The following EP300 variants were observed in gnomAD, a reference collection of about 807,000 sequenced individuals.
The protein encoded by EP300 is EP300 lysine acetyltransferase.
A neutral mutation model predicts 264.0 loss-of-function variants in EP300; 31 were observed. That is an observed-to-expected ratio of 0.12 (90% CI 0.09 to 0.16). The LOEUF is 0.16. Among genes scored for constraint, EP300 ranks in the 10% least tolerant of loss-of-function variants. The probability of loss-of-function intolerance (pLI) is 1.00; values close to 1 mark genes in which losing one functional copy is unlikely to be tolerated. For missense variants in EP300, 2,766 were observed against 3,052.9 expected (o/e 0.91, Z 2.21); for synonymous variants, 1,340 against 1,045.4 (o/e 1.28, Z -5.44).
At chr22:41,102,936 G>A (rs1282289115) in intron 1 of EP300, among the ~76,000 whole-genome samples, 3 of 152,028 alleles carry the variant, frequency 2.0e-5, no homozygotes, top group South Asian at 4.1e-4. Flanking sequence ...TGCAACCTCC[G>A]CCTTCCGGGT....
chr22:41,148,967 T>A (rs2059027396), intron 12 of EP300, 71 bp from the exon 13 acceptor site: 4 of 1,605,718 alleles, frequency 2.5e-6, no homozygotes, highest in Non-Finnish European at 3.4e-6. Context: ...TAGGAGCATT[T>A]GATGATTTTA....
chr22:41,126,747 T>TTTTC, intron 3 of EP300, among the ~76,000 whole-genome samples: 1 of 130,510 alleles, frequency 7.7e-6, no homozygotes, highest in Middle Eastern at 3.7e-3. Flanking sequence ...TTTTTTTTTT[T>TTTTC]TTTTTTTTTT....
At chr22:41,137,052 G>A (rs1302811582) in intron 7 of EP300, among the ~76,000 whole-genome samples, 3 of 143,512 alleles carry the variant, frequency 2.1e-5, no homozygotes, top group East Asian at 2.0e-4. Flanking sequence ...AGAGCGACAC[G>A]CCATCTCAAG....
intron 1 of EP300, among the ~76,000 whole-genome samples, chr22:41,104,214 C>T (rs1278250551): frequency 6.6e-6 from 1 of 151,848 alleles, no homozygotes; most frequent in Admixed American, 6.6e-5. Flanking sequence ...ACAATTTAGG[C>T]TTACTATAAA....
chr22:41,125,508 C>G (rs979219841), intron 2 of EP300, among the ~76,000 whole-genome samples: 1 of 151,970 alleles, frequency 6.6e-6, no homozygotes. Flanking sequence ...TCAAGAAACC[C>G]TCCTGCCTTG....
chr22:41,115,811 C>T (rs1054642953), intron 1 of EP300, among the ~76,000 whole-genome samples: 1 of 152,210 alleles, frequency 6.6e-6, no homozygotes, highest in Admixed American at 6.5e-5. Flanking sequence ...GAAAGCTATT[C>T]TGTAGGCTAC....
chr22:41,128,678 A>AT (rs1336647819), intron 4 of EP300, among the ~76,000 whole-genome samples: 4 of 151,460 alleles, frequency 2.6e-5, no homozygotes, highest in Admixed American at 2.0e-4. Context: ...TGCCCGGCTA[A>AT]TTTTTTGTAT....
In EP300 at chr22:41,141,161, G is replaced by A. The variant is rs2145726247; in HGVS notation, c.1992G>A (p.Met664Ile). The A allele has an allele frequency of 6.2e-7, 1 of 1,614,204 alleles. No individual in the cohort carries two copies. The highest frequency in any genetic ancestry group is 8.5e-7 in the Non-Finnish European group (1 of 1,180,040). ...KQNMLPNAAG[M>I]VPVSMNPGPN... ...ACATGCTACCAAATGCTGCAGGCAT[G>A]GTTCCAGTTTCCATGAATCCAGGGC... The change falls in exon 10 of 31, where the codon ATG becomes ATA. Residue 664 changes from methionine to isoleucine, a missense_variant. By Grantham distance (10) the Met-to-Ile change is conservative. Coordinates refer to ENST00000263253, the MANE Select transcript of EP300 (RefSeq NM_001429.4).
chr22:41,105,198 GAAAAAAA>G (rs764225630), intron 1 of EP300, among the ~76,000 whole-genome samples: 1 of 60,936 alleles, frequency 1.6e-5, no homozygotes, highest in Non-Finnish European at 2.8e-5. Flanking sequence ...CTCCATCTCA[GAAAAAAA>G]AAAAAAAAAA....
At chr22:41,108,900 G>C (rs2145685740) in intron 1 of EP300, among the ~76,000 whole-genome samples, 1 of 152,242 alleles carries the variant, frequency 6.6e-6, no homozygotes, top group African/African-American at 2.4e-5. Context: ...ACAAACTTCA[G>C]ATTTATAAGT....
chr22:41,131,947 C>G (rs1185100784), intron 6 of EP300, among the ~76,000 whole-genome samples: 2 of 152,036 alleles, frequency 1.3e-5, no homozygotes, highest in Non-Finnish European at 2.9e-5. Flanking sequence ...CCTGTAATCC[C>G]AGCACATTGG....
chr22:41,151,341 C>A (rs1354818808), intron 14 of EP300, among the ~76,000 whole-genome samples: 6 of 152,104 alleles, frequency 3.9e-5, no homozygotes, highest in Non-Finnish European at 1.5e-5. Flanking sequence ...TTTCTTATGA[C>A]AAGCCTTAGG....
Position 41,140,244 on chromosome 22 carries a change from C to T in EP300, c.1865C>T (p.Ser622Phe). ...ARKVEGDMYESANNRAEYYHL... is the reference protein window; with the variant it reads ...ARKVEGDMYEFANNRAEYYHL... Reference sequence around the variant, plus strand: ...AAAGTTGAAGGGGACATGTATGAATCTGCAAACAATCGAGTGAGTGTCTGG... The same window carrying T: ...AAAGTTGAAGGGGACATGTATGAATTTGCAAACAATCGAGTGAGTGTCTGG... Residue 622 changes from serine to phenylalanine, a missense_variant, in exon 9 of 31, where the codon TCT becomes TTT. Coordinates refer to ENST00000263253, the MANE Select transcript of EP300 (RefSeq NM_001429.4). 1 of 1,608,060 alleles carries T rather than the reference C, an allele frequency of 6.2e-7. No homozygotes were observed. The highest frequency in any genetic ancestry group is 1.7e-5 in the Admixed American group (1 of 60,018).
At chr22:41,147,597 G>A (rs2059018739) in intron 11 of EP300, among the ~76,000 whole-genome samples, 1 of 151,866 alleles carries the variant, frequency 6.6e-6, no homozygotes, top group African/African-American at 2.4e-5. Context: ...AATTAGCTGG[G>A]TGTGGTGGCG....
chr22:41,096,845 C>T (rs2058705367), intron 1 of EP300, among the ~76,000 whole-genome samples: 1 of 152,052 alleles, frequency 6.6e-6, no homozygotes, highest in Non-Finnish European at 1.5e-5. Context: ...TCTCGAACTC[C>T]TGACCTCAGG....
At chr22:41,156,770 T>C (rs1405575317) in intron 17 of EP300, among the ~76,000 whole-genome samples, 2 of 151,994 alleles carry the variant, frequency 1.3e-5, no homozygotes, top group South Asian at 2.1e-4. Context: ...TTTAGGACTT[T>C]TCCTCTCTTG....
intron 6 of EP300, among the ~76,000 whole-genome samples, chr22:41,135,035 A>G (rs1231940747): frequency 2.6e-5 from 4 of 151,978 alleles, no homozygotes; most frequent in Admixed American, 2.0e-4. Flanking sequence ...AGCCTCCAAG[A>G]GTAGCTGGGA....
intron 1 of EP300, among the ~76,000 whole-genome samples, chr22:41,111,044 C>A (rs2058787508): frequency 6.6e-6 from 1 of 151,412 alleles, no homozygotes; most frequent in African/African-American, 2.4e-5. Context: ...CTGCTCACTG[C>A]AAACTCTGCC....
At chr22:41,096,921 C>T (rs1244375299) in intron 1 of EP300, among the ~76,000 whole-genome samples, 1 of 152,122 alleles carries the variant, frequency 6.6e-6, no homozygotes, top group Non-Finnish European at 1.5e-5. Flanking sequence ...GCCCGGCTGT[C>T]AGCTCTATTT....
Sources: gnomAD v4.1 joint callset for allele counts (sites outside exome capture counted in the v4.1 genomes callset) on GRCh38, gnomAD v4.1.1 for gene constraint, MANE v1.5 for transcripts, NCBI Gene and HGNC (gene_info 2026-07-23, HGNC 2026-07-21) for gene names.